Variants in VCL observed in about 807,000 individuals in gnomAD.
The protein encoded by VCL is epididymis luminal protein 114.
In VCL, 47 loss-of-function variants were observed where a neutral mutation model predicts 125.7. That is an observed-to-expected ratio of 0.37 (90% CI 0.30 to 0.48). VCL has a LOEUF of 0.48. Ranked by LOEUF, VCL falls within the 20% of genes least tolerant of loss-of-function variation. The pLI, the probability that VCL is intolerant of heterozygous loss-of-function variation, is 0.99. For missense variants in VCL, 1,069 were observed against 1,455.5 expected (o/e 0.73, Z 4.32); for synonymous variants, 458 against 514.6 (o/e 0.89, Z 1.49).
intron 6 of VCL, among the ~76,000 whole-genome samples, chr10:74,080,959 A>G (rs1295445466): frequency 6.6e-6 from 1 of 152,240 alleles, no homozygotes; most frequent in Non-Finnish European, 1.5e-5. Context: ...ACATGATAGG[A>G]GAGATTTGCT....
At chr10:74,100,454 G>GT (rs1840033960) in intron 13 of VCL, among the ~76,000 whole-genome samples, 1 of 152,174 alleles carries the variant, frequency 6.6e-6, no homozygotes, top group Admixed American at 6.5e-5. Flanking sequence ...AACATTAATG[G>GT]TAATGGGATA....
intron 1 of VCL, among the ~76,000 whole-genome samples, chr10:74,042,199 T>G (rs1841106466): frequency 6.6e-6 from 1 of 152,236 alleles, no homozygotes. Flanking sequence ...CAAGTTTTTA[T>G]AACCATTGTT....
intron 2 of VCL, among the ~76,000 whole-genome samples, chr10:74,060,428 G>A (rs1364573879): frequency 6.6e-6 from 1 of 152,012 alleles, no homozygotes; most frequent in East Asian, 1.9e-4. Flanking sequence ...CGAAGTGGGT[G>A]GATCACTTGA....
At chr10:74,039,935 A>G (rs1240967222) in intron 1 of VCL, among the ~76,000 whole-genome samples, 5 of 151,892 alleles carry the variant, frequency 3.3e-5, no homozygotes, top group Non-Finnish European at 5.9e-5. Context: ...ACCACACCAT[A>G]CTTCCCTCCC....
At chr10:74,052,867 A>G (rs1841329228) in intron 2 of VCL, among the ~76,000 whole-genome samples, 1 of 150,856 alleles carries the variant, frequency 6.6e-6, no homozygotes, top group African/African-American at 2.4e-5. Context: ...ATGGTTTACT[A>G]CATGAATATA....
intron 8 of VCL, among the ~76,000 whole-genome samples, chr10:74,088,635 A>G (rs1037876794): frequency 1.3e-5 from 2 of 152,218 alleles, no homozygotes; most frequent in African/African-American, 2.4e-5. Context: ...TTCACTATAT[A>G]AGTTAGAAAA....
rs1840233897 is a variant in VCL at position 74,112,083 on chromosome 10, C to T, written c.2920C>T (p.His974Tyr). Reference sequence around the variant, plus strand: ...CATTCTGGCCGCGGCTCAGTCCTTGCATCGGGAAGCTACCAAGTGGTCTAG... The same window carrying T: ...CATTCTGGCCGCGGCTCAGTCCTTGTATCGGGAAGCTACCAAGTGGTCTAG... ...QPILAAAQSL[H>Y]REATKWSSKG... The change falls in exon 19 of 22, where the codon CAT (histidine) becomes TAT (tyrosine). Residue 974 changes from histidine to tyrosine, a missense_variant. By Grantham distance (83) the His-to-Tyr change is moderately conservative (BLOSUM62 2). This residue lies in a region of VCL where 86 missense variants were observed against 91.0 expected (regional missense o/e 0.95). Transcript: ENST00000211998. The T allele has an allele frequency of 3.7e-6, 6 of 1,614,106 alleles. No individual in the cohort carries two copies. The highest frequency in any genetic ancestry group is 5.1e-6 in the Non-Finnish European group (6 of 1,180,044).
chr10:74,030,028 AT>A (rs1840846280), intron 1 of VCL, among the ~76,000 whole-genome samples: 1 of 152,182 alleles, frequency 6.6e-6, no homozygotes, highest in African/African-American at 2.4e-5. Context: ...CTTCAGTAAA[AT>A]TTCACTTAAC....
chr10:74,099,669 A>C (rs1840020932), intron 13 of VCL, among the ~76,000 whole-genome samples: 1 of 152,216 alleles, frequency 6.6e-6, no homozygotes. Context: ...GCAGTTAGTT[A>C]AATCAGAAGG....
At position 74,082,520 on chromosome 10, in the gene VCL, C is replaced by T; in HGVS notation, c.850C>T (p.Leu284Phe). 4 of 1,614,126 alleles carry T rather than the reference C, an allele frequency of 2.5e-6. No individual in the cohort carries two copies. Among genetic ancestry groups the T allele is most frequent in the Non-Finnish European group, 3.4e-6 (4 of 1,180,004 alleles). The part of the protein sequence containing the change: ...DSKLNQAKGW[L>F]RDPSASPGDA... Reference sequence around the variant, plus strand: ...CAAACTGAACCAGGCCAAAGGTTGGCTCCGTGACCCTAGTGCCTCCCCAGG... The same window carrying T: ...CAAACTGAACCAGGCCAAAGGTTGGTTCCGTGACCCTAGTGCCTCCCCAGG... Residue 284 changes from leucine (L) to phenylalanine (F), a missense_variant, in exon 7 of 22, where the codon CTC (leucine) becomes TTC (phenylalanine). Leu to Phe is a conservative substitution (Grantham distance 22). This residue lies in a region of VCL where 760 missense variants were observed against 928.9 expected (regional missense o/e 0.82). Coordinates refer to ENST00000211998, the MANE Select transcript of VCL (RefSeq NM_014000.3).
chr10:74,042,374 A>T (rs371716830), intron 1 of VCL, among the ~76,000 whole-genome samples: 2 of 152,234 alleles, frequency 1.3e-5, no homozygotes, highest in Non-Finnish European at 2.9e-5. Context: ...ATTACTGCTT[A>T]TAAGGTATAT....
chr10:74,089,098 A>AG, intron 8 of VCL, 98 bp from the exon 9 acceptor site: 1 of 1,552,600 alleles, frequency 6.4e-7, no homozygotes, highest in Non-Finnish European at 8.8e-7. Flanking sequence ...GAAAAAGCCA[A>AG]GCATGTTCAT....
chr10:74,107,092 C>T (rs1426749662), intron 16 of VCL, 138 bp from the exon 17 acceptor site: 5 of 1,411,604 alleles, frequency 3.5e-6, no homozygotes, highest in Non-Finnish European at 4.9e-6. Context: ...TGCCTCCCCC[C>T]TTCTTCAATC....
chr10:74,048,901 G>C (rs1841244240), intron 2 of VCL, among the ~76,000 whole-genome samples: 1 of 152,234 alleles, frequency 6.6e-6, no homozygotes, highest in Non-Finnish European at 1.5e-5. Context: ...CGGGGGGATT[G>C]TGAGGTCAGG....
At chr10:74,055,131 C>T (rs1031711566) in intron 2 of VCL, among the ~76,000 whole-genome samples, 1 of 151,936 alleles carries the variant, frequency 6.6e-6, no homozygotes, top group African/African-American at 2.4e-5. Context: ...GGAAACCCGT[C>T]TCTACTAAAA....
chr10:74,060,528 T>G (rs999670727), intron 2 of VCL, among the ~76,000 whole-genome samples: 3 of 151,492 alleles, frequency 2.0e-5, no homozygotes, highest in Non-Finnish European at 4.4e-5. Context: ...TAGTGGCGCA[T>G]TCCTGTAGTT....
At chr10:74,018,026 G>A (rs1480774068) in intron 1 of VCL, among the ~76,000 whole-genome samples, 6 of 150,560 alleles carry the variant, frequency 4.0e-5, no homozygotes, top group Non-Finnish European at 7.4e-5. Context: ...AGGCGTGGTG[G>A]TGTATGCCTG....
At chr10:74,026,719 A>G (rs1283190622) in intron 1 of VCL, among the ~76,000 whole-genome samples, 1 of 152,178 alleles carries the variant, frequency 6.6e-6, no homozygotes, top group East Asian at 1.9e-4. Flanking sequence ...CATTTTACTG[A>G]TAAGGAGACT....
intron 8 of VCL, among the ~76,000 whole-genome samples, chr10:74,087,330 T>A (rs1000525579): frequency 8.1e-5 from 12 of 148,646 alleles, no homozygotes; most frequent in Admixed American, 8.0e-4. Context: ...TTTTTTTTTT[T>A]AGGTTTTTCT....
Sources: gnomAD v4.1 joint callset for allele counts (sites outside exome capture counted in the v4.1 genomes callset) on GRCh38, gnomAD v4.1.1 for gene constraint, gnomAD v4.1.1 regional missense constraint, MANE v1.5 for transcripts, NCBI Gene and HGNC (gene_info 2026-07-23, HGNC 2026-07-21) for gene names.